MARCHF1: variants seen among roughly 807,000 people sequenced by gnomAD.
The protein encoded by MARCHF1 is E3 ubiquitin-protein ligase MARCHF1.
A neutral mutation model predicts 54.2 loss-of-function variants in MARCHF1; 40 were observed. The ratio of observed to expected loss-of-function variants is 0.74; its 90% CI spans 0.57 to 0.96. The LOEUF is 0.96. Among genes scored for constraint, MARCHF1 ranks in the 40% least tolerant of loss-of-function variants. The pLI is 0.00. For missense variants in MARCHF1, 586 were observed against 656.5 expected (o/e 0.89, Z 1.17); for synonymous variants, 236 against 236.3 (o/e 1.00, Z 0.01).
chr4:163,610,888 A>G (rs967495365), intron 7 of MARCHF1, among the ~76,000 whole-genome samples: 1 of 151,936 alleles, frequency 6.6e-6, no homozygotes, highest in Non-Finnish European at 1.5e-5. Context: ...TGAATTGCCA[A>G]GCTCCGTCCC....
intron 5 of MARCHF1, among the ~76,000 whole-genome samples, chr4:163,635,879 CA>C (rs1221795418): frequency 6.6e-6 from 1 of 152,148 alleles, no homozygotes; most frequent in Non-Finnish European, 1.5e-5. Flanking sequence ...AGCAGCACAT[CA>C]AAAAGCTTAT....
chr4:163,735,685 T>G (rs1746014334), intron 4 of MARCHF1, among the ~76,000 whole-genome samples: 1 of 152,176 alleles, frequency 6.6e-6, no homozygotes, highest in South Asian at 2.1e-4. Flanking sequence ...CCCTTAATAC[T>G]ATCAGATTGG....
At chr4:164,058,346 AG>A (rs1754540507) in intron 2 of MARCHF1, among the ~76,000 whole-genome samples, 1 of 152,164 alleles carries the variant, frequency 6.6e-6, no homozygotes, top group African/African-American at 2.4e-5. Context: ...TGTAGTAGAA[AG>A]TTTCTTCAAA....
chr4:164,262,657 TC>T (rs1464859160), intron 1 of MARCHF1, among the ~76,000 whole-genome samples: 1 of 152,204 alleles, frequency 6.6e-6, no homozygotes, highest in Non-Finnish European at 1.5e-5. Flanking sequence ...AGGGAGTCAC[TC>T]ACTTAAATGG....
chr4:163,622,805 A>G (rs1467157129), intron 5 of MARCHF1, among the ~76,000 whole-genome samples: 2 of 152,216 alleles, frequency 1.3e-5, no homozygotes, highest in African/African-American at 4.8e-5. Context: ...AGAAAGGGAA[A>G]GCCAAGTAAG....
chr4:163,612,682 C>G lies in MARCHF1; in HGVS notation c.599G>C (p.Gly200Ala), dbSNP rs1430065098. The G allele has an allele frequency of 1.3e-6, 2 of 1,535,500 alleles. No homozygotes were observed. Among genetic ancestry groups the G allele is most frequent in the East Asian group, 4.9e-5 (2 of 40,880 alleles). ...CTCAATTCCGTTAGGAGTGGAAGAC[C>G]CAGCTAAGTTTTCACACGGCTTATT... ...NNNKPCENLA[G>A]SSTPNGIELV... The change falls in exon 7 of 10, where the codon GGG (glycine) becomes GCG (alanine). Residue 200 changes from glycine (G) to alanine (A), a missense_variant. Gly to Ala is a moderately conservative substitution (Grantham distance 60). Around this residue, in one of 3 missense-constraint regions of MARCHF1, gnomAD observed 387 missense variants for 394.6 expected, o/e 0.98. Transcript: ENST00000514618.
chr4:164,145,777 T>C (rs1289067556), intron 1 of MARCHF1, among the ~76,000 whole-genome samples: 1 of 126,884 alleles, frequency 7.9e-6, no homozygotes, highest in Non-Finnish European at 1.7e-5. Flanking sequence ...AGGGATGGCC[T>C]CTCTCACCAC....
At chr4:164,188,835 T>C in intron 1 of MARCHF1, 2 of 790,932 alleles carry the variant, frequency 2.5e-6, no homozygotes, top group South Asian at 2.7e-5. Context: ...CTCACTAAAA[T>C]GCAATAAACC....
At chr4:164,364,473 ACT>A in intron 1 of MARCHF1, among the ~76,000 whole-genome samples, 1 of 152,146 alleles carries the variant, frequency 6.6e-6, no homozygotes, top group African/African-American at 2.4e-5. Flanking sequence ...AAATTGTTTA[ACT>A]CTGCATTTTA....
chr4:164,288,111 C>T (rs762173308), intron 1 of MARCHF1, among the ~76,000 whole-genome samples: 2 of 152,082 alleles, frequency 1.3e-5, no homozygotes, highest in Non-Finnish European at 2.9e-5. Flanking sequence ...CCATGATCCA[C>T]ATGGTTCAAA....
chr4:163,635,853 C>T (rs553318372), intron 5 of MARCHF1, among the ~76,000 whole-genome samples: 1 of 152,132 alleles, frequency 6.6e-6, no homozygotes, highest in Non-Finnish European at 1.5e-5. Context: ...CAATAAAATA[C>T]TGGCAAAACG....
chr4:163,917,857 G>C (rs1328454108), intron 3 of MARCHF1, among the ~76,000 whole-genome samples: 1 of 152,142 alleles, frequency 6.6e-6, no homozygotes, highest in African/African-American at 2.4e-5. Context: ...TAGGTTGCCT[G>C]TTGGCTCTGA....
chr4:164,044,787 C>T (rs1056148533), intron 2 of MARCHF1, among the ~76,000 whole-genome samples: 6 of 151,704 alleles, frequency 4.0e-5, no homozygotes, highest in African/African-American at 1.2e-4. Context: ...TATAGATTCT[C>T]TACATAAGGA....
intron 1 of MARCHF1, among the ~76,000 whole-genome samples, chr4:164,290,179 G>C (rs934177575): frequency 3.3e-5 from 5 of 151,862 alleles, no homozygotes; most frequent in Non-Finnish European, 7.4e-5. Flanking sequence ...GTCAGAGGCT[G>C]TATCTTATTC....
At chr4:164,094,213 T>C (rs1755362333) in intron 2 of MARCHF1, among the ~76,000 whole-genome samples, 1 of 151,968 alleles carries the variant, frequency 6.6e-6, no homozygotes, top group Admixed American at 6.6e-5. Flanking sequence ...GAAGAGGAAA[T>C]AATTTAAACT....
chr4:163,880,933 G>A (rs1750402212), intron 3 of MARCHF1, among the ~76,000 whole-genome samples: 1 of 152,072 alleles, frequency 6.6e-6, no homozygotes, highest in South Asian at 2.1e-4. Context: ...ACCCATGTCA[G>A]TTGAGTACCC....
chr4:163,878,648 AG>A (rs1447225493), intron 3 of MARCHF1, among the ~76,000 whole-genome samples: 5 of 152,150 alleles, frequency 3.3e-5, no homozygotes, highest in African/African-American at 7.2e-5. Flanking sequence ...GAAGGAATGT[AG>A]GGGACTCTCC....
Position 164,187,507 on chromosome 4 carries a change from G to A in MARCHF1, c.-322-75845C>T, listed in dbSNP as rs575227493. On this transcript the variant is annotated intron_variant, in intron 1 of 9. Coordinates refer to ENST00000514618, the MANE Select transcript of MARCHF1 (RefSeq NM_001394959.1). ...CCACATCGCCCCCATAGGACCTGGGGGGATGGGGATTTGATGTGAACTTGA... is the reference window on the plus strand; with the variant it reads ...CCACATCGCCCCCATAGGACCTGGGAGGATGGGGATTTGATGTGAACTTGA... Among the ~76,000 whole-genome samples, 27 of 152,206 alleles carry A rather than the reference G, an allele frequency of 1.8e-4. 1 individual carries two copies. Among genetic ancestry groups the A allele is most frequent in the African/African-American group, 6.5e-4 (27 of 41,532 alleles).
chr4:164,218,025 G>A (rs1056857203), intron 1 of MARCHF1, among the ~76,000 whole-genome samples: 2 of 151,938 alleles, frequency 1.3e-5, no homozygotes, highest in Admixed American at 6.6e-5. Context: ...ATATTTTTAA[G>A]GAGTTTTTCA....
Sources: allele counts gnomAD v4.1 joint callset (sites outside exome capture counted in the v4.1 genomes callset), GRCh38; gene constraint gnomAD v4.1.1; regional missense constraint gnomAD v4.1.1; transcripts MANE v1.5; gene names NCBI Gene and HGNC (gene_info 2026-07-23, HGNC 2026-07-21).